CSMD1: variants seen among roughly 807,000 people sequenced by gnomAD.
CSMD1 encodes CUB and sushi domain-containing protein 1.
A neutral mutation model predicts 417.5 loss-of-function variants in CSMD1; 213 were observed. The ratio of observed to expected loss-of-function variants is 0.51; its 90% CI spans 0.46 to 0.57. CSMD1 has a LOEUF of 0.57. Ranked by LOEUF, CSMD1 falls within the 20% of genes least tolerant of loss-of-function variation. CSMD1 has a pLI of 0.00. For synonymous variants in CSMD1, 2,862 were observed against 1,736.8 expected (o/e 1.65, Z -16.11); for missense variants, 6,923 against 4,529.7 (o/e 1.53, Z -15.17).
intron 1 of CSMD1, among the ~76,000 whole-genome samples, chr8:4,837,843 A>G (rs897454706): frequency 2.6e-5 from 4 of 152,164 alleles, no homozygotes; most frequent in African/African-American, 9.7e-5. Context: ...TAGCATGCCT[A>G]TATCAAAACA....
chr8:4,202,642 G>C (rs1024575432), intron 3 of CSMD1, among the ~76,000 whole-genome samples: 1 of 152,082 alleles, frequency 6.6e-6, no homozygotes, highest in South Asian at 2.1e-4. Context: ...ATTTCCTCTC[G>C]AATACAACCA....
chr8:3,846,991 A>G (rs553127486), intron 5 of CSMD1, among the ~76,000 whole-genome samples: 60 of 152,172 alleles, frequency 3.9e-4, no homozygotes, highest in Non-Finnish European at 6.6e-4. Context: ...TTTACTTTTT[A>G]AATATGAATT....
intron 3 of CSMD1, among the ~76,000 whole-genome samples, chr8:4,269,178 CT>C (rs1196510919): frequency 6.6e-6 from 1 of 151,998 alleles, no homozygotes; most frequent in Non-Finnish European, 1.5e-5. Flanking sequence ...TGCCTCAGCC[CT>C]CCTAGTAGCT....
intron 5 of CSMD1, among the ~76,000 whole-genome samples, chr8:3,767,733 A>G (rs934631182): frequency 6.6e-6 from 1 of 152,234 alleles, no homozygotes; most frequent in Non-Finnish European, 1.5e-5. Context: ...CGTTAAGAGA[A>G]GTGAACCTTA....
intron 25 of CSMD1, among the ~76,000 whole-genome samples, chr8:3,297,932 C>G (rs1057478873): frequency 6.6e-6 from 1 of 151,946 alleles, no homozygotes; most frequent in Non-Finnish European, 1.5e-5. Flanking sequence ...AAAAAATGGG[C>G]AAAAGGCTTC....
intron 1 of CSMD1, among the ~76,000 whole-genome samples, chr8:4,716,220 AGAAGGCT>A (rs1446933760): frequency 1.3e-5 from 2 of 152,224 alleles, no homozygotes; most frequent in African/African-American, 2.4e-5. Context: ...TCTAGAGAAC[AGAAGGCT>A]GTCTGCCAAG....
chr8:2,950,213 C>A lies in CSMD1; in HGVS notation c.10314+18G>T, dbSNP rs770656370. The A allele has an allele frequency of 1.0e-5, 15 of 1,461,558 alleles. No individual in the cohort carries two copies. Among genetic ancestry groups the A allele is most frequent in the African/African-American group, 5.6e-5 (4 of 71,670 alleles). The allele number at this position is 1,461,558 out of a possible 1,614,324, so 90.5% of individuals were successfully genotyped here. On this transcript the variant is annotated intron_variant, in intron 67 of 69. Transcript: ENST00000635120. ...TAGAAAGCCTGTGCTTTGTCACAGA[C>A]CTTACACATGTACTTACATAACCAT...
chr8:3,348,234 A>G (rs916890066), intron 21 of CSMD1, 73 bp from the exon 22 acceptor site: 12 of 1,122,514 alleles, frequency 1.1e-5, no homozygotes, highest in Non-Finnish European at 1.3e-5. Flanking sequence ...TAAAAACTTT[A>G]AAATCATGAT....
chr8:4,705,843 G>C (rs945877068), intron 1 of CSMD1, among the ~76,000 whole-genome samples: 3 of 152,114 alleles, frequency 2.0e-5, no homozygotes, highest in Admixed American at 6.6e-5. Flanking sequence ...CTGCATCTGA[G>C]TGTCCTGGGG....
At chr8:4,738,903 T>TTGTGTGTGTCTGTGTGTG (rs1810418812) in intron 1 of CSMD1, among the ~76,000 whole-genome samples, 1 of 147,396 alleles carries the variant, frequency 6.8e-6, no homozygotes, top group South Asian at 2.1e-4. Context: ...TTCTGTGTGT[T>TTGTGTGTGTCTGTGTGTG]TGTGTGTGTG....
At chr8:3,856,356 C>T (rs754720773) in intron 5 of CSMD1, among the ~76,000 whole-genome samples, 12 of 152,130 alleles carry the variant, frequency 7.9e-5, no homozygotes, top group African/African-American at 1.4e-4. Flanking sequence ...CTGTACAGCC[C>T]GCAGAACCGT....
At chr8:4,321,094 T>C (rs911507117) in intron 3 of CSMD1, among the ~76,000 whole-genome samples, 33 of 152,156 alleles carry the variant, frequency 2.2e-4, no homozygotes, top group African/African-American at 7.5e-4. Context: ...TTATATTGAG[T>C]TTTTGTCTAG....
At chr8:3,905,671 G>T (rs2627419) in intron 5 of CSMD1, among the ~76,000 whole-genome samples, 1 of 152,080 alleles carries the variant, frequency 6.6e-6, no homozygotes, top group South Asian at 2.1e-4. Flanking sequence ...GCCAGTCCAG[G>T]AACCACTCTT....
At chr8:4,418,991 C>G (rs1385854353) in intron 3 of CSMD1, among the ~76,000 whole-genome samples, 1 of 152,178 alleles carries the variant, frequency 6.6e-6, no homozygotes, top group East Asian at 1.9e-4. Flanking sequence ...CTGTAATTTT[C>G]TGCTAATTTC....
At chr8:4,388,414 G>T (rs1216046668) in intron 3 of CSMD1, among the ~76,000 whole-genome samples, 3 of 151,942 alleles carry the variant, frequency 2.0e-5, no homozygotes, top group African/African-American at 7.3e-5. Context: ...AGACCTGGAT[G>T]ACATTGGAGA....
chr8:4,018,882 A>C (rs1461205827), intron 4 of CSMD1, among the ~76,000 whole-genome samples: 2 of 152,152 alleles, frequency 1.3e-5, no homozygotes, highest in Non-Finnish European at 2.9e-5. Context: ...CAGAGGGATG[A>C]TGATAATATA....
intron 5 of CSMD1, among the ~76,000 whole-genome samples, chr8:3,853,092 A>G (rs1481844133): frequency 6.6e-6 from 1 of 151,976 alleles, no homozygotes; most frequent in Non-Finnish European, 1.5e-5. Flanking sequence ...TGCCACCCTG[A>G]CCTCATCATT....
At chr8:4,414,145 T>TA (rs1460530595) in intron 3 of CSMD1, among the ~76,000 whole-genome samples, 1 of 152,172 alleles carries the variant, frequency 6.6e-6, no homozygotes, top group Non-Finnish European at 1.5e-5. Flanking sequence ...GCTGACATTC[T>TA]AAATAAAGCT....
chr8:4,584,345 G>C (rs1016503198), intron 2 of CSMD1, among the ~76,000 whole-genome samples: 4 of 151,980 alleles, frequency 2.6e-5, no homozygotes, highest in African/African-American at 9.7e-5. Context: ...ATCGCCAATC[G>C]CCAAGCAGTG....
Sources: gnomAD v4.1 joint callset for allele counts (sites outside exome capture counted in the v4.1 genomes callset) on GRCh38, gnomAD v4.1.1 for gene constraint, MANE v1.5 for transcripts, NCBI Gene and HGNC (gene_info 2026-07-23, HGNC 2026-07-21) for gene names.